ANKRD30B: variants seen among roughly 807,000 people sequenced by gnomAD.
ANKRD30B encodes ankyrin repeat domain 30B.
A neutral mutation model predicts 202.2 loss-of-function variants in ANKRD30B; 144 were observed. The ratio of observed to expected loss-of-function variants is 0.71; its 90% CI spans 0.62 to 0.82. The LOEUF (loss-of-function observed/expected upper bound fraction) is 0.82. Ranked by LOEUF, ANKRD30B falls within the 40% of genes least tolerant of loss-of-function variation. The pLI is 0.00. For missense variants in ANKRD30B, 1,487 were observed against 1,669.1 expected (o/e 0.89, Z 1.90); for synonymous variants, 508 against 561.3 (o/e 0.91, Z 1.34).
At chr18:14,820,758 A>G (rs879930142) in intron 30 of ANKRD30B, among the ~76,000 whole-genome samples, 10 of 152,100 alleles carry the variant, frequency 6.6e-5, no homozygotes, top group African/African-American at 1.9e-4. Context: ...TGCTGGATTC[A>G]TTTTGCCAGT....
rs1969397937 is a variant in ANKRD30B, at chr18:14,804,787, T to C, written c.2284+963T>C. 1.3e-5 allele frequency among the ~76,000 whole-genome samples: 2 copies of C among 150,052 alleles called. 1 individual carries two copies. The highest frequency in any genetic ancestry group is 3.0e-5 in the Non-Finnish European group (2 of 67,460). The stretch of plus-strand genomic sequence containing the variant: ...CAAAGAAAAAGGAAAGAGTGTGTGT[T>C]GAATGGGAAGAATCAAGAACACAAG... On this transcript the variant is annotated intron_variant, in intron 24 of 43. Coordinates refer to ENST00000690538, the MANE Select transcript of ANKRD30B (RefSeq NM_001367607.2).
At chr18:14,915,833 G>A in the ANKRD30B span, among the ~76,000 whole-genome samples, 4 of 152,096 alleles carry the variant, frequency 2.6e-5, no homozygotes, top group African/African-American at 9.7e-5. Context: ...ACATCCACAA[G>A]TCAAAAGTAT....
chr18:14,888,335 A>C, the ANKRD30B span, among the ~76,000 whole-genome samples: 3 of 152,016 alleles, frequency 2.0e-5, no homozygotes, highest in South Asian at 6.2e-4. Flanking sequence ...TTATTATTAT[A>C]GCAGCCATTT....
intron 34 of ANKRD30B, among the ~76,000 whole-genome samples, chr18:14,834,008 T>C (rs1421274613): frequency 6.6e-6 from 1 of 152,208 alleles, no homozygotes; most frequent in Non-Finnish European, 1.5e-5. Context: ...TACTCAATCA[T>C]TGCCCCCCGC....
chr18:14,809,571 G>T (rs1191678606), intron 26 of ANKRD30B, among the ~76,000 whole-genome samples: 1 of 150,766 alleles, frequency 6.6e-6, no homozygotes, highest in Non-Finnish European at 1.5e-5. Context: ...CTCCACAAGG[G>T]TAGCATTCCA....
At chr18:14,860,337 C>G in the ANKRD30B span, among the ~76,000 whole-genome samples, 1 of 124,490 alleles carries the variant, frequency 8.0e-6, no homozygotes, top group East Asian at 2.4e-4. Flanking sequence ...GCGCTCCTCA[C>G]TTCCCAGACA....
chr18:14,835,630 T>A (rs1260996753), intron 34 of ANKRD30B, among the ~76,000 whole-genome samples: 1 of 151,570 alleles, frequency 6.6e-6, no homozygotes, highest in Non-Finnish European at 1.5e-5. Flanking sequence ...TATTAAATCA[T>A]CAACTTGAAT....
chr18:14,856,366 T>G (rs1972106828), downstream of ANKRD30B, among the ~76,000 whole-genome samples: 2 of 130,418 alleles, frequency 1.5e-5, no homozygotes, highest in Admixed American at 1.5e-4. Context: ...GCAGAGGCGC[T>G]CCTCACCTCC....
the ANKRD30B span, among the ~76,000 whole-genome samples, chr18:14,871,823 T>C: frequency 1.3e-5 from 2 of 152,108 alleles, no homozygotes; most frequent in Non-Finnish European, 2.9e-5. Flanking sequence ...CTAGGAGTTG[T>C]CAATAGAAAT....
chr18:14,798,788 G>T (rs548262537), intron 20 of ANKRD30B, among the ~76,000 whole-genome samples: 1 of 152,120 alleles, frequency 6.6e-6, no homozygotes, highest in Non-Finnish European at 1.5e-5. Flanking sequence ...CTCTGCAGGG[G>T]GTAGCACATC....
In ANKRD30B at chr18:14,854,198, CA is replaced by C. The variant is rs1193426394; in HGVS notation, c.*41del. On this transcript the variant is annotated 3_prime_UTR_variant, in exon 44 of 44. Transcript: ENST00000690538. ...TTTTTCTTTTTTTTTTCAGATTAAA[CA>C]GTAAAGTTTATTGTGAACATTTGCT... 6.6e-6 allele frequency among the ~76,000 whole-genome samples: 1 copy of C among 150,756 alleles called. No individual in the cohort carries two copies. Among genetic ancestry groups the C allele is most frequent in the Admixed American group, 6.6e-5 (1 of 15,118 alleles).
chr18:14,787,912 G>A (rs762522383), intron 15 of ANKRD30B, among the ~76,000 whole-genome samples: 3 of 152,152 alleles, frequency 2.0e-5, no homozygotes, highest in Admixed American at 1.3e-4. Context: ...TTTAATACCT[G>A]TTTGCTTTCA....
At chr18:14,775,612 T>C (rs560269939) in intron 9 of ANKRD30B, among the ~76,000 whole-genome samples, 1 of 152,368 alleles carries the variant, frequency 6.6e-6, no homozygotes, top group Admixed American at 6.5e-5. Flanking sequence ...GGTCGAGTAG[T>C]ATTTTAATAA....
intron 40 of ANKRD30B, among the ~76,000 whole-genome samples, chr18:14,849,818 C>G (rs1357751778): frequency 1.3e-5 from 2 of 151,426 alleles, no homozygotes; most frequent in East Asian, 1.9e-4. Flanking sequence ...AATCTGTAAA[C>G]TTTTTTTATA....
At chr18:14,876,487 G>A in the ANKRD30B span, among the ~76,000 whole-genome samples, 3 of 152,162 alleles carry the variant, frequency 2.0e-5, no homozygotes, top group Non-Finnish European at 4.4e-5. Context: ...AACTAACTTA[G>A]GATTCTGCTC....
chr18:14,797,264 G>A (rs1480146090), intron 18 of ANKRD30B, among the ~76,000 whole-genome samples: 1 of 152,088 alleles, frequency 6.6e-6, no homozygotes, highest in Non-Finnish European at 1.5e-5. Context: ...CATTCCCAGA[G>A]CTATGAACAT....
At chr18:14,930,830 T>C in the ANKRD30B span, among the ~76,000 whole-genome samples, 6 of 152,318 alleles carry the variant, frequency 3.9e-5, no homozygotes, top group African/African-American at 9.6e-5. Flanking sequence ...CATTGTAGAA[T>C]AGCATTTGCC....
chr18:14,851,485 A>C, intron 41 of ANKRD30B, 24 bp from the exon 42 acceptor site: 1 of 1,486,924 alleles, frequency 6.7e-7, no homozygotes, highest in Non-Finnish European at 8.9e-7. Context: ...AGTGCTAGTT[A>C]AATTTTTATT....
chr18:14,922,915 A>G, the ANKRD30B span, among the ~76,000 whole-genome samples: 1 of 152,154 alleles, frequency 6.6e-6, no homozygotes, highest in Non-Finnish European at 1.5e-5. Flanking sequence ...TTGGTTTTGC[A>G]TCTTGGAAAC....
Sources: gnomAD v4.1 joint callset for allele counts (sites outside exome capture counted in the v4.1 genomes callset) on GRCh38, gnomAD v4.1.1 for gene constraint, MANE v1.5 for transcripts, NCBI Gene and HGNC (gene_info 2026-07-23, HGNC 2026-07-21) for gene names.